Variants in TG observed in about 807,000 individuals in gnomAD.
The protein encoded by TG is thyroglobulin, also known as thyroid hormones.
In TG, 270 loss-of-function variants were observed where a neutral mutation model predicts 324.7. That is an observed-to-expected ratio of 0.83 (90% CI 0.75 to 0.92). The LOEUF (loss-of-function observed/expected upper bound fraction) is 0.92. Among genes scored for constraint, TG ranks in the 40% least tolerant of loss-of-function variants. The pLI is 0.00. For synonymous variants in TG, 1,401 were observed against 1,327.0 expected, an observed-to-expected ratio of 1.06 and a Z score of -1.21; for missense variants, 3,591 against 3,456.4, an observed-to-expected ratio of 1.04 and a Z score of -0.98.
intron 8 of TG, among the ~76,000 whole-genome samples, chr8:132,884,309 T>G (rs1563905401): frequency 6.6e-6 from 1 of 152,200 alleles, no homozygotes; most frequent in Non-Finnish European, 1.5e-5. Context: ...TATTAGGCAT[T>G]CGAGCCAGAC....
At position 133,061,050 on chromosome 8, in the gene TG, C is replaced by G. The variant is rs187025026; in HGVS notation, c.7239+31027C>G. On this transcript the variant is annotated intron_variant, in intron 41 of 47. Coordinates refer to ENST00000220616, the MANE Select transcript of TG (RefSeq NM_003235.5). ...TTTTTGAGACGCAGTCTCACTCTGT[C>G]GCCTAGGTTGGAGTGCAATGGCACG... Among the ~76,000 whole-genome samples, 4 of 152,330 alleles carry G rather than the reference C, an allele frequency of 2.6e-5. No individual in the cohort carries two copies. In the East Asian group the frequency reaches 7.7e-4, roughly 29 times the overall value.
At chr8:132,926,896 C>G (rs1171165978) in intron 22 of TG, among the ~76,000 whole-genome samples, 1 of 152,188 alleles carries the variant, frequency 6.6e-6, no homozygotes, top group Non-Finnish European at 1.5e-5. Flanking sequence ...TGCTGCCTCT[C>G]TCTCTGAAAT....
Position 132,903,250 on chromosome 8 carries a change from T to C in TG, c.3634+1697T>C, listed in dbSNP as rs571574692. On this transcript the variant is annotated intron_variant, in intron 16 of 47. Coordinates refer to ENST00000220616, the MANE Select transcript of TG (RefSeq NM_003235.5). The stretch of plus-strand genomic sequence containing the variant: ...TCATTGGCTGAGTTGTTTTTAAGAC[T>C]GGGGAGCTAACATTTGTAAAGGCTT... Among the ~76,000 whole-genome samples, 20 of 152,362 alleles carry C rather than the reference T, an allele frequency of 1.3e-4. No homozygotes were observed. In the East Asian group the frequency reaches 3.9e-3, roughly 29 times the overall value.
chr8:133,071,164 G>C (rs1843953629), intron 41 of TG, among the ~76,000 whole-genome samples: 1 of 152,220 alleles, frequency 6.6e-6, no homozygotes, highest in Non-Finnish European at 1.5e-5. Flanking sequence ...GGGGGCACCA[G>C]TGCGTATTGA....
At chr8:132,941,271 T>C in intron 25 of TG, 80 bp from the exon 26 acceptor site, 1 of 1,557,204 alleles carries the variant, frequency 6.4e-7, no homozygotes, top group Non-Finnish European at 8.9e-7. Flanking sequence ...GTCAACAAAC[T>C]GTCCTGTGAG....
At chr8:132,883,533 G>GA (rs1814961049) in intron 8 of TG, among the ~76,000 whole-genome samples, 1 of 152,152 alleles carries the variant, frequency 6.6e-6, no homozygotes, top group South Asian at 2.1e-4. Flanking sequence ...GAAGGATAGA[G>GA]AAAAAATTGC....
chr8:132,878,418 T>C (rs1407741923), intron 5 of TG, among the ~76,000 whole-genome samples: 5 of 151,996 alleles, frequency 3.3e-5, no homozygotes, highest in African/African-American at 4.8e-5. Context: ...AGATTGACGC[T>C]ATCCTGGCTA....
rs560637928 is a variant in TG, at chr8:132,906,114, A to G, written c.3635-574A>G. Reference sequence around the variant, plus strand: ...GCAGGAGGAGGTGAGGCCTAAATGCAGAAACCTGGCAAAGAGCATTTGCTG... The same window carrying G: ...GCAGGAGGAGGTGAGGCCTAAATGCGGAAACCTGGCAAAGAGCATTTGCTG... On this transcript the variant is annotated intron_variant, in intron 16 of 47. Transcript: ENST00000220616. Among the ~76,000 whole-genome samples, 12 of 152,334 alleles carry G rather than the reference A, an allele frequency of 7.9e-5. No homozygotes were observed. The East Asian group carries it at 2.3e-3, about 29-fold the overall frequency.
chr8:132,928,632 A>G lies in TG; in HGVS notation c.4700-444A>G, dbSNP rs562179000. Among the ~76,000 whole-genome samples the G allele has an allele frequency of 5.2e-4, 79 of 152,356 alleles. No homozygotes were observed. In the South Asian group the frequency reaches 0.013, roughly 24 times the overall value. ...TGCCTGAGCCACATGACATGTCTTC[A>G]GATTTACCTAAATACATATGCACAT... On this transcript the variant is annotated intron_variant, in intron 22 of 47. Coordinates refer to ENST00000220616, the MANE Select transcript of TG (RefSeq NM_003235.5).
intron 26 of TG, among the ~76,000 whole-genome samples, chr8:132,945,792 A>G (rs1879991): frequency 0.52 from 79,049 of 151,816 alleles, 21,941 homozygotes; most frequent in Non-Finnish European, 0.61. Flanking sequence ...AGGGTGGGAG[A>G]GCGTTGCATG....
intron 43 of TG, among the ~76,000 whole-genome samples, 172 bp downstream of exon 43, chr8:133,096,545 C>T (rs141693214): frequency 3.7e-4 from 56 of 152,236 alleles, no homozygotes; most frequent in African/African-American, 1.2e-3. Flanking sequence ...TAGACACTTG[C>T]AGGGTAGTGA....
chr8:132,948,416 A>G (rs898916155), intron 26 of TG, among the ~76,000 whole-genome samples: 1 of 152,148 alleles, frequency 6.6e-6, no homozygotes, highest in African/African-American at 2.4e-5. Flanking sequence ...GCAGCTCAGG[A>G]AAATCACCCC....
chr8:132,964,001 C>T (rs970861643), intron 29 of TG, among the ~76,000 whole-genome samples: 3 of 152,030 alleles, frequency 2.0e-5, no homozygotes, highest in African/African-American at 4.8e-5. Flanking sequence ...CCACTTGGCA[C>T]AGTGCCTGGT....
intron 37 of TG, among the ~76,000 whole-genome samples, chr8:133,014,361 A>G (rs1423119934): frequency 1.3e-5 from 2 of 152,240 alleles, no homozygotes; most frequent in Non-Finnish European, 2.9e-5. Flanking sequence ...GGCTCCAGGC[A>G]AGGCAAGAGG....
chr8:133,030,034 T>C lies in TG; in HGVS notation c.7239+11T>C. The C allele has an allele frequency of 6.2e-7, 1 of 1,614,192 alleles. No individual in the cohort carries two copies. Among genetic ancestry groups the C allele is most frequent in the Non-Finnish European group, 8.5e-7 (1 of 1,180,016 alleles). On this transcript the variant is annotated intron_variant, in intron 41 of 47. Coordinates refer to ENST00000220616, the MANE Select transcript of TG (RefSeq NM_003235.5). ...AGAGCTGTGCTGATGGTAAGTGGTG[T>C]GTGTTCTACCTTCAGTCTTACTGCA...
chr8:132,948,179 T>TCC (rs34581780), intron 26 of TG, among the ~76,000 whole-genome samples: 48 of 151,186 alleles, frequency 3.2e-4, no homozygotes, highest in Middle Eastern at 3.4e-3. Context: ...TCTTACTCCG[T>TCC]CCCCCCCCAA....
At chr8:133,102,337 G>A in intron 43 of TG, 1 of 494,458 alleles carries the variant, frequency 2.0e-6, no homozygotes. Context: ...GCTTCCCAGG[G>A]AAGTCACGGA....
At chr8:132,983,893 C>A (rs1229963029) in intron 35 of TG, 1 of 236,196 alleles carries the variant, frequency 4.2e-6, no homozygotes, top group African/African-American at 2.3e-5. Context: ...TCCAGGAGCC[C>A]AGGTGCCCAG....
In TG at chr8:132,971,865, A is replaced by T. The variant is rs1288546003; in HGVS notation, c.6047A>T (p.Gln2016Leu). The stretch of plus-strand genomic sequence containing the variant: ...GGCTTTGGATTTCTAAATGTTTCCC[A>T]GTTAAAAGGTAATAATGGTAACAAC... The part of the protein sequence containing the change: ...CTGFGFLNVS[Q>L]LKGGEVTCLT... The change falls in exon 33 of 48, where the codon CAG (glutamine) becomes CTG (leucine). Residue 2016 changes from glutamine (Q) to leucine (L), a missense_variant. Physicochemically the swap from Gln to Leu is moderately radical, Grantham distance 113 (BLOSUM62 -2). Transcript: ENST00000220616. The T allele has an allele frequency of 2.5e-6, 4 of 1,610,944 alleles. No homozygotes were observed. The highest frequency in any genetic ancestry group is 3.4e-6 in the Non-Finnish European group (4 of 1,177,232).
Sources: allele counts gnomAD v4.1 joint callset (sites outside exome capture counted in the v4.1 genomes callset), GRCh38; gene constraint gnomAD v4.1.1; transcripts MANE v1.5; gene names NCBI Gene and HGNC (gene_info 2026-07-23, HGNC 2026-07-21).